The following MYO1E variants were observed in gnomAD, a reference collection of about 807,000 sequenced individuals.
MYO1E encodes the protein myosin IE.
Under a neutral mutation model 151.1 loss-of-function variants are expected in MYO1E, and 68 were observed. That is an observed-to-expected ratio of 0.45 (90% CI 0.37 to 0.55). The LOEUF is 0.55. MYO1E is among the 20% of genes least tolerant of loss of function. The pLI is 0.00. For synonymous variants in MYO1E, 601 were observed against 501.7 expected, an observed-to-expected ratio of 1.20 and a Z score of -2.64; for missense variants, 1,363 against 1,389.3, an observed-to-expected ratio of 0.98 and a Z score of 0.30.
chr15:59,182,496 G>C (rs2079669787), intron 18 of MYO1E, among the ~76,000 whole-genome samples: 1 of 152,132 alleles, frequency 6.6e-6, no homozygotes, highest in African/African-American at 2.4e-5. Flanking sequence ...TATAGGCATT[G>C]AGCCATCTTG....
chr15:59,195,127 C>T (rs769844126), intron 17 of MYO1E, among the ~76,000 whole-genome samples: 1 of 152,172 alleles, frequency 6.6e-6, no homozygotes, highest in Non-Finnish European at 1.5e-5. Flanking sequence ...GCTGGGTGGA[C>T]TAAGAATGTC....
Position 59,346,755 on chromosome 15 carries a change from T to C in MYO1E, c.3+25743A>G, listed in dbSNP as rs1361169337. On this transcript the variant is annotated intron_variant, in intron 1 of 27. Transcript: ENST00000288235. ...ATGGCAAAACCTTATCTCTACAAAA[T>C]AAACAAATAAAATTAGCTGGGCATG... Among the ~76,000 whole-genome samples the C allele has an allele frequency of 7.3e-5, 11 of 151,580 alleles. No individual in the cohort carries two copies. In the South Asian group the frequency reaches 1.9e-3, roughly 26 times the overall value.
chr15:59,338,343 C>A (rs183157665), intron 1 of MYO1E, among the ~76,000 whole-genome samples: 4 of 144,338 alleles, frequency 2.8e-5, no homozygotes, highest in African/African-American at 1.0e-4. Flanking sequence ...GCACATAGTA[C>A]GTTCCTGACT....
intron 26 of MYO1E, among the ~76,000 whole-genome samples, chr15:59,153,170 A>G (rs1251981051): frequency 6.6e-6 from 1 of 152,204 alleles, no homozygotes; most frequent in African/African-American, 2.4e-5. Context: ...TTCTTCAACA[A>G]ATATCATATA....
intron 24 of MYO1E, among the ~76,000 whole-genome samples, chr15:59,158,664 A>G (rs1453966618): frequency 6.6e-6 from 1 of 152,222 alleles, no homozygotes; most frequent in Non-Finnish European, 1.5e-5. Flanking sequence ...TTCTATTTTT[A>G]CAGACTTTTA....
intron 1 of MYO1E, among the ~76,000 whole-genome samples, chr15:59,361,680 TTAA>T (rs2080886155): frequency 6.6e-6 from 1 of 152,186 alleles, no homozygotes; most frequent in South Asian, 2.1e-4. Flanking sequence ...CTGCCTAGAA[TTAA>T]TAATATCTCA....
intron 1 of MYO1E, among the ~76,000 whole-genome samples, chr15:59,278,064 T>C (rs568265762): frequency 3.4e-4 from 52 of 152,350 alleles, no homozygotes; most frequent in Middle Eastern, 3.4e-3. Context: ...TGGGTTGCTG[T>C]TGGGCACTGA....
intron 1 of MYO1E, chr15:59,348,914 A>C (rs1361067626): frequency 2.0e-5 from 3 of 152,314 alleles, no homozygotes; most frequent in East Asian, 1.9e-4. Context: ...TATAGGCGTG[A>C]GCCACCGCAC....
intron 2 of MYO1E, among the ~76,000 whole-genome samples, chr15:59,267,440 G>C (rs914127683): frequency 6.6e-6 from 1 of 152,222 alleles, no homozygotes; most frequent in African/African-American, 2.4e-5. Context: ...CTTCCCCAGA[G>C]TCACGTGGAG....
chr15:59,295,376 A>T lies in MYO1E; in HGVS notation c.4-22927T>A, dbSNP rs547971651. Reference sequence around the variant, plus strand: ...AAAACCCCCTAAAAAGACCAACTGGACTAGAAAGGCGGATTTGTGTTGAGG... The same window carrying T: ...AAAACCCCCTAAAAAGACCAACTGGTCTAGAAAGGCGGATTTGTGTTGAGG... On this transcript the variant is annotated intron_variant, in intron 1 of 27. Transcript: ENST00000288235. Among the ~76,000 whole-genome samples the T allele has an allele frequency of 5.3e-5, 8 of 152,228 alleles. 1 individual carries two copies. In the South Asian group the frequency reaches 1.7e-3, roughly 32 times the overall value.
chr15:59,216,886 C>A (rs1240354701), intron 10 of MYO1E, among the ~76,000 whole-genome samples: 1 of 151,556 alleles, frequency 6.6e-6, no homozygotes, highest in Non-Finnish European at 1.5e-5. Context: ...AGTGACAATA[C>A]CTGAGTCCAA....
chr15:59,236,128 G>C (rs1434742948), intron 5 of MYO1E, among the ~76,000 whole-genome samples: 1 of 151,916 alleles, frequency 6.6e-6, no homozygotes, highest in Non-Finnish European at 1.5e-5. Context: ...GATCACCTGA[G>C]GTCAGGAGTT....
chr15:59,256,341 G>C lies in MYO1E; in HGVS notation c.275C>G (p.Ala92Gly), dbSNP rs1372950669. 2 of 1,612,676 alleles carry C rather than the reference G, an allele frequency of 1.2e-6. No homozygotes were observed. Among genetic ancestry groups the C allele is most frequent in the Middle Eastern group, 1.7e-4 (1 of 6,058 alleles). Residue 92 changes from alanine to glycine, a missense_variant, in exon 4 of 28, where the codon GCA (alanine) becomes GGA (glycine). By Grantham distance (60) the Ala-to-Gly change is moderately conservative. Coordinates refer to ENST00000288235, the MANE Select transcript of MYO1E (RefSeq NM_004998.4). ...GATCATGTTTCTGTACATATTATCT[G>C]CAAGGGCATAGATATGTGGTGGGTT... is the stretch of plus-strand genomic sequence containing the variant. ...YENPPHIYAL[A>G]DNMYRNMIID...
intron 2 of MYO1E, among the ~76,000 whole-genome samples, chr15:59,267,603 C>G (rs1255718871): frequency 6.6e-6 from 1 of 152,230 alleles, no homozygotes; most frequent in African/African-American, 2.4e-5. Context: ...GCACGAAAAT[C>G]TGGACTCCTA....
chr15:59,152,159 G>C (rs753535170), intron 26 of MYO1E, among the ~76,000 whole-genome samples: 9 of 152,150 alleles, frequency 5.9e-5, no homozygotes, highest in Admixed American at 1.3e-4. Flanking sequence ...AACCTGGGAG[G>C]AGGCTGCAGT....
intron 1 of MYO1E, among the ~76,000 whole-genome samples, chr15:59,294,185 G>A (rs760246301): frequency 2.0e-5 from 3 of 152,152 alleles, no homozygotes; most frequent in Non-Finnish European, 4.4e-5. Flanking sequence ...TATCACCCCT[G>A]CTTATGTTAA....
chr15:59,338,496 T>A (rs1210531560), intron 1 of MYO1E, among the ~76,000 whole-genome samples: 2 of 152,120 alleles, frequency 1.3e-5, no homozygotes, highest in African/African-American at 4.8e-5. Flanking sequence ...TTTTAGAACA[T>A]CTCCTCTTAA....
At chr15:59,216,685 T>TATATATAC (rs1232339026) in intron 10 of MYO1E, among the ~76,000 whole-genome samples, 1 of 38,658 alleles carries the variant, frequency 2.6e-5, no homozygotes, top group Non-Finnish European at 5.4e-5. Context: ...TATATATATA[T>TATATATAC]ACACATACAC....
At chr15:59,230,251 T>TGTGTGTGTGC (rs1265815582) in intron 6 of MYO1E, among the ~76,000 whole-genome samples, 3 of 151,660 alleles carry the variant, frequency 2.0e-5, no homozygotes, top group African/African-American at 7.3e-5. Flanking sequence ...TGTGTGTGTG[T>TGTGTGTGTGC]GTGCAGGTGA....
Sources: allele counts gnomAD v4.1 joint callset (sites outside exome capture counted in the v4.1 genomes callset), GRCh38; gene constraint gnomAD v4.1.1; transcripts MANE v1.5; gene names NCBI Gene and HGNC (gene_info 2026-07-23, HGNC 2026-07-21).